The following ZNF215 variants were observed in gnomAD, a reference collection of about 807,000 sequenced individuals.
ZNF215 encodes the protein zinc finger protein 215, also known as BWSCR2-associated zinc finger protein 2.
A neutral mutation model predicts 27.2 loss-of-function variants in ZNF215; 24 were observed. The observed-to-expected ratio is 0.88, with a 90% CI of 0.64 to 1.24. The LOEUF is 1.24. ZNF215 is among the 50% of genes most tolerant of loss of function. The probability of loss-of-function intolerance (pLI) is 0.00; values close to 1 mark genes in which losing one functional copy is unlikely to be tolerated. For synonymous variants in ZNF215, 210 were observed against 204.0 expected, an observed-to-expected ratio of 1.03 and a Z score of -0.25; for missense variants, 675 against 605.7, an observed-to-expected ratio of 1.11 and a Z score of -1.20.
At chr11:6,991,251 G>A (rs2515949), downstream of ZNF215, among the ~76,000 whole-genome samples, 84,331 of 152,070 alleles carry the variant, frequency 0.55, 23,814 homozygotes, top group East Asian at 0.69. Flanking sequence ...TTCATGGTCA[G>A]AATGGATGGC....
At chr11:6,950,045 A>G (rs2133261801) in intron 6 of ZNF215, among the ~76,000 whole-genome samples, 1 of 151,612 alleles carries the variant, frequency 6.6e-6, no homozygotes, top group Non-Finnish European at 1.5e-5. Context: ...ATAGTTGTAG[A>G]TATGCGGCGT....
At chr11:6,965,914 T>C in intron 5 of ZNF215, among the ~76,000 whole-genome samples, 1 of 152,196 alleles carries the variant, frequency 6.6e-6, no homozygotes, top group East Asian at 1.9e-4. Flanking sequence ...ATTAGACTAA[T>C]GCTGGTATAA....
rs773637349 is a variant in ZNF215, at chr11:6,941,670, G to A, written c.483+17G>A. ...AAACCACAGGTGAATTAGGATTCTA[G>A]TCTTTACTGAACACATATGCTCATT... On this transcript the variant is annotated intron_variant, in intron 4 of 6. Transcript: ENST00000278319. The A allele has an allele frequency of 1.2e-6, 2 of 1,613,230 alleles. No individual in the cohort carries two copies. Among genetic ancestry groups the A allele is most frequent in the South Asian group, 2.2e-5 (2 of 91,036 alleles).
chr11:6,946,690 C>T (rs1849826753), intron 6 of ZNF215, among the ~76,000 whole-genome samples: 1 of 152,182 alleles, frequency 6.6e-6, no homozygotes, highest in Non-Finnish European at 1.5e-5. Context: ...TACGCTTGTG[C>T]AGCACCTTAC....
chr11:6,942,918 TA>T (rs2133219113), intron 4 of ZNF215, among the ~76,000 whole-genome samples, 164 bp from the exon 5 acceptor site: 1 of 152,348 alleles, frequency 6.6e-6, no homozygotes, highest in Admixed American at 6.5e-5. Context: ...TGGCCCTTAC[TA>T]AAATTTGATT....
downstream of ZNF215, among the ~76,000 whole-genome samples, chr11:6,984,935 G>A (rs1326360835): frequency 1.3e-5 from 2 of 152,048 alleles, no homozygotes; most frequent in Non-Finnish European, 1.5e-5. Context: ...AACTGCACTG[G>A]TCACGATGGA....
chr11:6,926,515 G>C lies in ZNF215; in HGVS notation c.-496G>C, dbSNP rs1022805612. On this transcript the variant is annotated 5_prime_UTR_variant, in exon 1 of 7. Coordinates refer to ENST00000278319, the MANE Select transcript of ZNF215 (RefSeq NM_013250.4). ...GGGGTTCCTTCCACAGCTGGTGCGC[G>C]TGCGCAAGAGTGCGTCGAGGTTGTT... 8.5e-5 allele frequency: 13 copies of C among 152,396 alleles called. No individual in the cohort carries two copies. The highest frequency in any genetic ancestry group is 3.1e-4 in the African/African-American group (13 of 41,462). The allele number at this position is 152,396 out of a possible 1,614,324, so 9.4% of individuals were successfully genotyped here.
At chr11:6,984,379 G>A (rs1209183890) in exon 6 of ZNF215, 1 of 164,596 alleles carries the variant, frequency 6.1e-6, no homozygotes, top group East Asian at 1.9e-4. Context: ...AAAGTGCTGG[G>A]ATGACAGGCG....
chr11:6,989,733 T>C (rs1344188429), downstream of ZNF215, among the ~76,000 whole-genome samples: 1 of 152,152 alleles, frequency 6.6e-6, no homozygotes, highest in Non-Finnish European at 1.5e-5. Flanking sequence ...AACACAGGCC[T>C]GGGTCACAGA....
At position 6,956,452 on chromosome 11, in the gene ZNF215, G is replaced by T. The variant is rs755079299; in HGVS notation, c.1475G>T (p.Cys492Phe). 1.2e-6 allele frequency: 2 copies of T among 1,614,108 alleles called. No individual in the cohort carries two copies. The highest frequency in any genetic ancestry group is 2.2e-5 in the South Asian group (2 of 91,066). Reference protein sequence around the residue: ...MIHTGEKPFKCKECSKAFNRS... With the variant: ...MIHTGEKPFKFKECSKAFNRS... ...CACACGGGAGAGAAACCATTCAAAT[G>T]TAAGGAATGTAGTAAAGCCTTCAAC... The change falls in exon 7 of 7, where the codon TGT becomes TTT. Residue 492 changes from cysteine (C) to phenylalanine (F), a missense_variant. Physicochemically the swap from Cys to Phe is radical, Grantham distance 205. Coordinates refer to ENST00000278319, the MANE Select transcript of ZNF215 (RefSeq NM_013250.4).
chr11:6,950,517 G>T (rs1218643127), intron 6 of ZNF215, among the ~76,000 whole-genome samples: 2 of 152,010 alleles, frequency 1.3e-5, no homozygotes, highest in Non-Finnish European at 2.9e-5. Context: ...GTTCACTCAT[G>T]ATTTGGTTCT....
At chr11:6,958,593 C>T (rs1850452294), downstream of ZNF215, among the ~76,000 whole-genome samples, 1 of 152,134 alleles carries the variant, frequency 6.6e-6, no homozygotes, top group Non-Finnish European at 1.5e-5. Flanking sequence ...TCTAGAGGGA[C>T]AGAACCAATA....
rs958327266 is a variant in ZNF215 at position 6,957,780 on chromosome 11, G to T, written c.*1249G>T. 2.2e-5 allele frequency: 22 copies of T among 985,270 alleles called. No individual in the cohort carries two copies. Among genetic ancestry groups the T allele is most frequent in the Non-Finnish European group, 2.4e-6 (2 of 829,936 alleles). 61.0% of individuals were successfully genotyped at this position (985,270 alleles called of 1,614,324 possible). A position where few individuals can be genotyped will look rare whatever the true frequency, so the allele number is the denominator to read the frequency against. On this transcript the variant is annotated 3_prime_UTR_variant, in exon 7 of 7. Coordinates refer to ENST00000278319, the MANE Select transcript of ZNF215 (RefSeq NM_013250.4). ...AATTTAGGCTGGAGAGACGTCCATAGCCTTAGGTATATCATTTATACCAGA... is the reference window on the plus strand; with the variant it reads ...AATTTAGGCTGGAGAGACGTCCATATCCTTAGGTATATCATTTATACCAGA...
downstream of ZNF215, among the ~76,000 whole-genome samples, chr11:6,959,167 A>G (rs575786526): frequency 7.9e-5 from 12 of 151,690 alleles, no homozygotes; most frequent in Non-Finnish European, 1.2e-4. Context: ...TAGATTAACC[A>G]GATTGTGTCT....
chr11:6,969,892 T>C (rs559133604), intron 5 of ZNF215, among the ~76,000 whole-genome samples: 1 of 152,202 alleles, frequency 6.6e-6, no homozygotes, highest in Non-Finnish European at 1.5e-5. Context: ...GCAATTCTCC[T>C]GCCTCAGCCT....
intron 5 of ZNF215, among the ~76,000 whole-genome samples, chr11:6,979,029 T>C (rs192360091): frequency 1.2e-4 from 19 of 152,132 alleles, no homozygotes; most frequent in South Asian, 1.2e-3. Context: ...GTGTCCCCCA[T>C]TGCCTAAATT....
chr11:6,953,713 C>G (rs1358713159), intron 6 of ZNF215, among the ~76,000 whole-genome samples: 1 of 152,224 alleles, frequency 6.6e-6, no homozygotes, highest in African/African-American at 2.4e-5. Context: ...GTTTGATCAT[C>G]TGAAGCCTTC....
intron 6 of ZNF215, among the ~76,000 whole-genome samples, chr11:6,948,570 G>A (rs1849914984): frequency 6.6e-6 from 1 of 152,094 alleles, no homozygotes; most frequent in African/African-American, 2.4e-5. Context: ...TCTCTCATTT[G>A]TTAAGCTAGA....
chr11:6,964,413 A>G (rs1236221519), intron 5 of ZNF215, among the ~76,000 whole-genome samples: 1 of 151,990 alleles, frequency 6.6e-6, no homozygotes, highest in Non-Finnish European at 1.5e-5. Context: ...GAGGTTTATG[A>G]TCTATTCTTA....
Sources: gnomAD v4.1 joint callset for allele counts (sites outside exome capture counted in the v4.1 genomes callset) on GRCh38, gnomAD v4.1.1 for gene constraint, MANE v1.5 for transcripts, NCBI Gene and HGNC (gene_info 2026-07-23, HGNC 2026-07-21) for gene names.